The following PTPRD variants were observed in gnomAD, a reference collection of about 807,000 sequenced individuals.
PTPRD encodes receptor-type tyrosine-protein phosphatase delta.
In PTPRD, 34 loss-of-function variants were observed where a neutral mutation model predicts 214.5. The ratio of observed to expected loss-of-function variants is 0.16; its 90% CI spans 0.12 to 0.21. The LOEUF (loss-of-function observed/expected upper bound fraction) is 0.21, where lower values mean the gene tolerates loss of function less well. Among genes scored for constraint, PTPRD ranks in the 10% least tolerant of loss-of-function variants. The pLI is 1.00. For missense variants in PTPRD, 2,545 were observed against 2,398.7 expected (o/e 1.06, Z -1.27); for synonymous variants, 1,128 against 845.7 (o/e 1.33, Z -5.79).
chr9:9,224,561 T>C (rs922505992), intron 9 of PTPRD, among the ~76,000 whole-genome samples: 1 of 151,912 alleles, frequency 6.6e-6, no homozygotes, highest in African/African-American at 2.4e-5. Flanking sequence ...ACAGTGAAAA[T>C]TGGAAAATTT....
chr9:10,298,724 C>A (rs10959034), intron 3 of PTPRD, among the ~76,000 whole-genome samples: 17,573 of 151,814 alleles, frequency 0.12, 1,101 homozygotes, highest in African/African-American at 0.15. Context: ...ATATTTAGCA[C>A]AGTCTGAAAG....
At chr9:10,501,807 G>C (rs191681390) in intron 2 of PTPRD, among the ~76,000 whole-genome samples, 2 of 152,032 alleles carry the variant, frequency 1.3e-5, no homozygotes, top group East Asian at 1.9e-4. Flanking sequence ...TAATTGCTTT[G>C]TTGACAAATT....
At chr9:10,204,137 T>C (rs1395751602) in intron 3 of PTPRD, among the ~76,000 whole-genome samples, 1 of 152,200 alleles carries the variant, frequency 6.6e-6, no homozygotes, top group Non-Finnish European at 1.5e-5. Flanking sequence ...GCTTTAATTT[T>C]GAAGGCATTG....
chr9:10,048,043 C>G (rs766695585), intron 3 of PTPRD, among the ~76,000 whole-genome samples: 9 of 152,170 alleles, frequency 5.9e-5, no homozygotes, highest in Non-Finnish European at 1.0e-4. Context: ...GAGTTGTATG[C>G]TAGCTCTGCT....
intron 14 of PTPRD, among the ~76,000 whole-genome samples, chr9:8,580,913 AT>A (rs1432148752): frequency 1.3e-5 from 2 of 152,204 alleles, no homozygotes; most frequent in African/African-American, 4.8e-5. Context: ...CTGACATCCT[AT>A]TTCCCAATAG....
chr9:10,150,386 T>C (rs954521836), intron 3 of PTPRD, among the ~76,000 whole-genome samples: 1 of 152,040 alleles, frequency 6.6e-6, no homozygotes, highest in African/African-American at 2.4e-5. Flanking sequence ...CTGGAAACCA[T>C]CATTCTGAGC....
At chr9:8,369,915 C>A (rs1360537395) in intron 39 of PTPRD, among the ~76,000 whole-genome samples, 1 of 151,870 alleles carries the variant, frequency 6.6e-6, no homozygotes, top group Non-Finnish European at 1.5e-5. Flanking sequence ...ATACTTAGAG[C>A]AAATCAGTTG....
intron 8 of PTPRD, among the ~76,000 whole-genome samples, chr9:9,550,098 T>G (rs1453876587): frequency 6.6e-6 from 1 of 151,950 alleles, no homozygotes; most frequent in Non-Finnish European, 1.5e-5. Flanking sequence ...TAAAGCAGAT[T>G]ACCCCCCATA....
chr9:9,534,725 A>T (rs988374067), intron 8 of PTPRD, among the ~76,000 whole-genome samples: 1 of 152,088 alleles, frequency 6.6e-6, no homozygotes, highest in Non-Finnish European at 1.5e-5. Flanking sequence ...GGTAGAGAAA[A>T]GTGGAAACCT....
chr9:8,346,612 A>C (rs1392704713), intron 39 of PTPRD, among the ~76,000 whole-genome samples: 1 of 152,122 alleles, frequency 6.6e-6, no homozygotes, highest in African/African-American at 2.4e-5. Context: ...CCTGCCTGTT[A>C]GTCACTTAGT....
At chr9:9,620,497 A>T (rs1484449817) in intron 7 of PTPRD, among the ~76,000 whole-genome samples, 1 of 152,144 alleles carries the variant, frequency 6.6e-6, no homozygotes, top group Non-Finnish European at 1.5e-5. Flanking sequence ...ATACCAAATA[A>T]AATATTAAGC....
At chr9:9,317,489 A>C (rs1963895228) in intron 9 of PTPRD, among the ~76,000 whole-genome samples, 1 of 152,006 alleles carries the variant, frequency 6.6e-6, no homozygotes, top group Non-Finnish European at 1.5e-5. Context: ...TTAGGGATGA[A>C]GTTCTGTCTA....
At chr9:9,742,979 T>A (rs1254403458) in intron 6 of PTPRD, among the ~76,000 whole-genome samples, 7 of 152,220 alleles carry the variant, frequency 4.6e-5, no homozygotes, top group Non-Finnish European at 2.9e-5. Context: ...TTAATAGGCA[T>A]AACTGTACTT....
intron 7 of PTPRD, among the ~76,000 whole-genome samples, chr9:9,618,665 T>C (rs566727912): frequency 6.6e-6 from 1 of 152,308 alleles, no homozygotes; most frequent in South Asian, 2.1e-4. Flanking sequence ...CTTTGGGATG[T>C]GTTTAATGTA....
intron 4 of PTPRD, among the ~76,000 whole-genome samples, chr9:10,031,733 A>C (rs1298347129): frequency 2.0e-5 from 3 of 150,336 alleles, no homozygotes; most frequent in Admixed American, 6.7e-5. Flanking sequence ...GGATTCACAG[A>C]GTTGTGCCAG....
chr9:9,856,158 T>TGCACCGTCAAGCTGTCCCTCTGAAGTC (rs2061512552), intron 5 of PTPRD, among the ~76,000 whole-genome samples: 1 of 152,148 alleles, frequency 6.6e-6, no homozygotes, highest in Non-Finnish European at 1.5e-5. Flanking sequence ...TCTCTGAAGT[T>TGCACCGTCAAGCTGTCCCTCTGAAGTC]GCACCGTCAA....
At chr9:9,933,875 T>C (rs956628174) in intron 5 of PTPRD, among the ~76,000 whole-genome samples, 11 of 148,396 alleles carry the variant, frequency 7.4e-5, no homozygotes, top group Non-Finnish European at 1.6e-4. Flanking sequence ...TATAACAAAC[T>C]ATCTCTCAGA....
intron 35 of PTPRD, among the ~76,000 whole-genome samples, chr9:8,416,086 T>C (rs1265746430): frequency 6.6e-6 from 1 of 152,062 alleles, no homozygotes; most frequent in Non-Finnish European, 1.5e-5. Context: ...AAAAAAATAT[T>C]TCCCCTGAAC....
At chr9:8,747,300 A>AAT (rs2092932049) in intron 11 of PTPRD, among the ~76,000 whole-genome samples, 1 of 152,162 alleles carries the variant, frequency 6.6e-6, no homozygotes, top group African/African-American at 2.4e-5. Flanking sequence ...AAAAAGGATA[A>AAT]ATATATATAC....
Sources: gnomAD v4.1 joint callset for allele counts (sites outside exome capture counted in the v4.1 genomes callset) on GRCh38, gnomAD v4.1.1 for gene constraint, MANE v1.5 for transcripts, NCBI Gene and HGNC (gene_info 2026-07-23, HGNC 2026-07-21) for gene names.